Variants in IKZF1 observed in about 807,000 individuals in gnomAD.
IKZF1 encodes DNA-binding protein Ikaros.
In IKZF1, 10 loss-of-function variants were observed where a neutral mutation model predicts 51.7. The ratio of observed to expected loss-of-function variants is 0.19; its 90% CI spans 0.12 to 0.33. The LOEUF (loss-of-function observed/expected upper bound fraction) is 0.33. Among genes scored for constraint, IKZF1 ranks in the 10% least tolerant of loss-of-function variants. IKZF1 has a pLI of 1.00. For missense variants in IKZF1, 484 were observed against 707.5 expected (o/e 0.68, Z 3.58); for synonymous variants, 280 against 282.3 (o/e 0.99, Z 0.08).
intron 3 of IKZF1, among the ~76,000 whole-genome samples, chr7:50,355,442 C>T (rs952770904): frequency 4.6e-5 from 7 of 152,132 alleles, no homozygotes; most frequent in Admixed American, 6.5e-5. Context: ...GGATGGGAGG[C>T]GAGAGCACAA....
intron 1 of IKZF1, among the ~76,000 whole-genome samples, chr7:50,312,505 T>C (rs892976491): frequency 2.6e-5 from 4 of 152,188 alleles, no homozygotes; most frequent in Non-Finnish European, 5.9e-5. Context: ...AACTCCACTT[T>C]CTCTATTTTT....
chr7:50,384,414 T>G (rs531950477), intron 5 of IKZF1, among the ~76,000 whole-genome samples: 9 of 152,348 alleles, frequency 5.9e-5, no homozygotes, highest in African/African-American at 2.2e-4. Flanking sequence ...TTGGGTGATT[T>G]GACTTCCTAA....
intron 3 of IKZF1, among the ~76,000 whole-genome samples, chr7:50,375,028 G>C (rs7809377): frequency 1.3e-5 from 2 of 151,982 alleles, no homozygotes; most frequent in East Asian, 3.9e-4. Context: ...GCAACTCTGG[G>C]TTGAGCCTGA....
intron 1 of IKZF1, chr7:50,318,669 TAGAA>T (rs1212181724): frequency 8.8e-6 from 2 of 227,786 alleles, no homozygotes; most frequent in Non-Finnish European, 1.7e-5. Context: ...CTCAGTAAAT[TAGAA>T]AGAACATAAC....
intron 7 of IKZF1, among the ~76,000 whole-genome samples, chr7:50,392,454 A>G (rs1326821890): frequency 3.3e-5 from 5 of 152,138 alleles, no homozygotes; most frequent in Non-Finnish European, 7.4e-5. Flanking sequence ...AGTAGGTATT[A>G]GACACACCAA....
chr7:50,363,186 A>C (rs1805772289), intron 3 of IKZF1, among the ~76,000 whole-genome samples: 1 of 152,208 alleles, frequency 6.6e-6, no homozygotes, highest in South Asian at 2.1e-4. Context: ...TGTTCCAGGC[A>C]TGGAGGGAAG....
chr7:50,312,109 T>C (rs779843773), intron 1 of IKZF1, among the ~76,000 whole-genome samples: 6 of 152,130 alleles, frequency 3.9e-5, no homozygotes, highest in Non-Finnish European at 5.9e-5. Context: ...CTGAAATCGG[T>C]AAGAGGGCAG....
chr7:50,394,468 G>A (rs1816111476), intron 7 of IKZF1: 2 of 233,156 alleles, frequency 8.6e-6, no homozygotes, highest in South Asian at 3.6e-4. Flanking sequence ...TGGCCCAATA[G>A]TGGTTCAGTT....
At chr7:50,383,113 A>G (rs1812324850) in intron 5 of IKZF1, among the ~76,000 whole-genome samples, 1 of 152,152 alleles carries the variant, frequency 6.6e-6, no homozygotes, top group African/African-American at 2.4e-5. Context: ...CCCGCTTTGG[A>G]GTGTTTTACA....
intron 1 of IKZF1, among the ~76,000 whole-genome samples, chr7:50,307,168 A>G (rs933235890): frequency 5.3e-5 from 8 of 152,330 alleles, no homozygotes; most frequent in African/African-American, 1.9e-4. Context: ...TTAGGCATAA[A>G]TAACGTTTTT....
chr7:50,310,435 A>G (rs1789883508), intron 1 of IKZF1, among the ~76,000 whole-genome samples: 1 of 152,210 alleles, frequency 6.6e-6, no homozygotes, highest in Non-Finnish European at 1.5e-5. Context: ...TCAGGTTATA[A>G]ATAAAGACAT....
Position 50,329,928 on chromosome 7 carries a change from C to T in IKZF1, c.160+2171C>T, listed in dbSNP as rs556165558. The stretch of plus-strand genomic sequence containing the variant: ...ATCTTTAGAGAACTGAAAGTCAGGC[C>T]GATTCCTGGAGAGTGAAGAATAGCA... On this transcript the variant is annotated intron_variant, in intron 3 of 7. Coordinates refer to ENST00000331340, the MANE Select transcript of IKZF1 (RefSeq NM_006060.6). 4.6e-5 allele frequency among the ~76,000 whole-genome samples: 7 copies of T among 152,306 alleles called. No individual in the cohort carries two copies. In the South Asian group the frequency reaches 6.2e-4, roughly 14 times the overall value.
chr7:50,376,941 C>A lies in IKZF1; in HGVS notation c.421+148C>A. 4 of 1,361,232 alleles carry A rather than the reference C, an allele frequency of 2.9e-6. No homozygotes were observed. The highest frequency in any genetic ancestry group is 3.9e-6 in the Non-Finnish European group (4 of 1,018,448). The allele number at this position is 1,361,232 out of a possible 1,614,324, so 84.3% of individuals were successfully genotyped here. A position where few individuals can be genotyped will look rare whatever the true frequency, so the allele number is the denominator to read the frequency against. ...TGCAAGCGATTGGTTCCAAGTGGTA[C>A]CGAGTCATAGAGTCCTTGTTCTGGT... On this transcript the variant is annotated intron_variant, in intron 4 of 7. Transcript: ENST00000331340. This position sits in a 1 kb window ranked among gnomAD's most constrained non-coding sequence, Gnocchi z 4.5.
At chr7:50,389,410 A>G (rs1011219050) in intron 6 of IKZF1, among the ~76,000 whole-genome samples, 2 of 152,174 alleles carry the variant, frequency 1.3e-5, no homozygotes, top group Non-Finnish European at 2.9e-5. Context: ...GGTGAGTATC[A>G]ATTTCACCCT....
rs544005427 is a variant in IKZF1 at position 50,318,091 on chromosome 7, G to A, written c.-14-957G>A. Among the ~76,000 whole-genome samples the A allele has an allele frequency of 2.0e-5, 3 of 152,318 alleles. No individual in the cohort carries two copies. In the South Asian group the frequency reaches 6.2e-4, roughly 32 times the overall value. ...TCTGCTGGCCATAGCTTTCTTATCT[G>A]TGGAGCTGCCAGCTGTCATCCACTT... On this transcript the variant is annotated intron_variant, in intron 1 of 7. Coordinates refer to ENST00000331340, the MANE Select transcript of IKZF1 (RefSeq NM_006060.6).
At chr7:50,359,304 T>C (rs1433577363) in intron 3 of IKZF1, among the ~76,000 whole-genome samples, 1 of 152,170 alleles carries the variant, frequency 6.6e-6, no homozygotes, top group African/African-American at 2.4e-5. Flanking sequence ...CAAGTCACAA[T>C]TCCTTGCTCA....
At chr7:50,369,262 C>A in intron 3 of IKZF1, 1 of 361,834 alleles carries the variant, frequency 2.8e-6, no homozygotes, top group Non-Finnish European at 4.9e-6. Flanking sequence ...AAGTCAAATG[C>A]ACTTGAGAGT....
At position 50,327,633 on chromosome 7, in the gene IKZF1, A is replaced by T. The variant is rs757719193; in HGVS notation, c.41-5A>T. 1 of 1,608,856 alleles carries T rather than the reference A, an allele frequency of 6.2e-7. No individual in the cohort carries two copies. Among genetic ancestry groups the T allele is most frequent in the South Asian group, 1.1e-5 (1 of 90,088 alleles). On this transcript the variant is annotated splice_polypyrimidine_tract_variant and splice_region_variant and intron_variant, in intron 2 of 7. Coordinates refer to ENST00000331340, the MANE Select transcript of IKZF1 (RefSeq NM_006060.6). ...CCGAGACTCACACTTCTTCTTTCTC[A>T]TCAGGGAAGGAAAGCCCCCCTGTAA...
intron 3 of IKZF1, among the ~76,000 whole-genome samples, chr7:50,331,384 G>C (rs1021661205): frequency 6.6e-6 from 1 of 151,478 alleles, no homozygotes; most frequent in African/African-American, 2.4e-5. Flanking sequence ...TCAAGTTCAA[G>C]TCGAGCTGCC....
Sources: gnomAD v4.1 joint callset for allele counts (sites outside exome capture counted in the v4.1 genomes callset) on GRCh38, gnomAD v4.1.1 for gene constraint, Gnocchi (gnomAD v3.1) non-coding constraint, MANE v1.5 for transcripts, NCBI Gene and HGNC (gene_info 2026-07-23, HGNC 2026-07-21) for gene names.